KLF12: variants seen among roughly 807,000 people sequenced by gnomAD.
KLF12 encodes Krueppel-like factor 12.
In KLF12, 9 loss-of-function variants were observed where a neutral mutation model predicts 37.8. The observed-to-expected ratio is 0.24, with a 90% CI of 0.14 to 0.42. KLF12 has a LOEUF of 0.42. Ranked by LOEUF, KLF12 falls within the 10% of genes least tolerant of loss-of-function variation. The probability of loss-of-function intolerance (pLI) is 1.00; values close to 1 mark genes in which losing one functional copy is unlikely to be tolerated. For missense variants in KLF12, 411 were observed against 516.0 expected (o/e 0.80, Z 1.97); for synonymous variants, 208 against 202.1 (o/e 1.03, Z -0.25).
intron 5 of KLF12, among the ~76,000 whole-genome samples, chr13:73,774,981 G>A (rs374599567): frequency 2.1e-4 from 31 of 147,966 alleles, no homozygotes; most frequent in East Asian, 1.4e-3. Flanking sequence ...ACAATGGCAC[G>A]ATCTCAGCTC....
At chr13:74,303,061 C>G in the KLF12 span, among the ~76,000 whole-genome samples, 1 of 152,072 alleles carries the variant, frequency 6.6e-6, no homozygotes, top group African/African-American at 2.4e-5. Flanking sequence ...GATTGTTATA[C>G]CAGGACAAGA....
chr13:73,707,490 T>TA lies in KLF12; in HGVS notation c.1027+7877dup, dbSNP rs574741493. 5.1e-4 allele frequency among the ~76,000 whole-genome samples: 77 copies of TA among 152,292 alleles called. No homozygotes were observed. The South Asian group carries it at 5.6e-3, about 11-fold the overall frequency. ...ATTCATGAGCTATTTGATCAGGACT[T>TA]ACAAACAACTTACGGGGAGAGGATT... On this transcript the variant is annotated intron_variant, in intron 7 of 7. Coordinates refer to ENST00000377669, the MANE Select transcript of KLF12 (RefSeq NM_007249.5).
chr13:73,777,707 TC>T (rs1412837894), intron 5 of KLF12, among the ~76,000 whole-genome samples: 1 of 142,286 alleles, frequency 7.0e-6, no homozygotes, highest in Non-Finnish European at 1.5e-5. Context: ...AAACTCCATT[TC>T]AAAAAAAAAA....
chr13:74,145,086 A>G, the KLF12 span, among the ~76,000 whole-genome samples: 1 of 152,160 alleles, frequency 6.6e-6, no homozygotes, highest in Non-Finnish European at 1.5e-5. Flanking sequence ...CAATGAAAAA[A>G]ATAAAACAGT....
intron 7 of KLF12, among the ~76,000 whole-genome samples, chr13:73,711,916 A>G (rs539040045): frequency 2.2e-4 from 33 of 152,344 alleles, no homozygotes; most frequent in African/African-American, 7.9e-4. Flanking sequence ...GTGATTCATG[A>G]TAAGTCAAAA....
chr13:74,257,014 T>G, the KLF12 span: 4 of 152,134 alleles, frequency 2.6e-5, no homozygotes, highest in Non-Finnish European at 4.4e-5. Context: ...GAGTGAACAT[T>G]TTGCCTTATG....
the KLF12 span, among the ~76,000 whole-genome samples, chr13:74,203,636 A>T: frequency 1.3e-5 from 2 of 152,114 alleles, no homozygotes. Context: ...ATCTGTACTG[A>T]ACTTGGTGGA....
intron 1 of KLF12, among the ~76,000 whole-genome samples, chr13:74,048,549 A>G (rs1466980408): frequency 6.6e-6 from 1 of 152,178 alleles, no homozygotes; most frequent in African/African-American, 2.4e-5. Context: ...TTCACATTTT[A>G]GACCATTGAG....
chr13:74,196,046 C>CATATAGCCT, the KLF12 span, among the ~76,000 whole-genome samples: 1 of 152,214 alleles, frequency 6.6e-6, no homozygotes, highest in Non-Finnish European at 1.5e-5. Flanking sequence ...GATATGCATG[C>CATATAGCCT]ATATAGCCTT....
intron 1 of KLF12, among the ~76,000 whole-genome samples, chr13:74,108,835 A>G (rs1181809013): frequency 6.6e-6 from 1 of 152,190 alleles, no homozygotes; most frequent in African/African-American, 2.4e-5. Flanking sequence ...GGGAGGAGGA[A>G]GAAGAGGAAA....
chr13:74,166,020 G>A, the KLF12 span, among the ~76,000 whole-genome samples: 7 of 148,940 alleles, frequency 4.7e-5, no homozygotes, highest in African/African-American at 1.7e-4. Flanking sequence ...TGGAGAAAGT[G>A]TTTAATTGCT....
chr13:74,182,503 G>T, the KLF12 span, among the ~76,000 whole-genome samples: 8 of 152,206 alleles, frequency 5.3e-5, no homozygotes, highest in Non-Finnish European at 8.8e-5. Flanking sequence ...GAGGTCCCAG[G>T]ATTTACTTCC....
At chr13:74,264,024 GA>G in the KLF12 span, among the ~76,000 whole-genome samples, 3 of 152,162 alleles carry the variant, frequency 2.0e-5, no homozygotes. Context: ...GGAAGTCTGG[GA>G]TTGTACCTGG....
chr13:73,780,353 A>C (rs1880884310), intron 5 of KLF12, among the ~76,000 whole-genome samples: 1 of 152,032 alleles, frequency 6.6e-6, no homozygotes, highest in Non-Finnish European at 1.5e-5. Flanking sequence ...AGCAGCGTAC[A>C]CTGTACCCAG....
the KLF12 span, among the ~76,000 whole-genome samples, chr13:74,144,086 C>G: frequency 6.6e-6 from 1 of 152,154 alleles, no homozygotes; most frequent in African/African-American, 2.4e-5. Context: ...GATAATTTTT[C>G]CATCCTGTTG....
At chr13:73,742,740 T>G (rs1024677045) in intron 6 of KLF12, among the ~76,000 whole-genome samples, 4 of 152,206 alleles carry the variant, frequency 2.6e-5, no homozygotes, top group Non-Finnish European at 4.4e-5. Flanking sequence ...GACCTTCTCT[T>G]TAAGATAGAG....
chr13:74,279,519 AT>A, the KLF12 span, among the ~76,000 whole-genome samples: 126 of 146,674 alleles, frequency 8.6e-4, no homozygotes, highest in African/African-American at 1.3e-3. Flanking sequence ...AATTTTGTTC[AT>A]TTTTTTTTTT....
chr13:73,762,084 T>C (rs1879597299), intron 6 of KLF12, among the ~76,000 whole-genome samples: 1 of 152,210 alleles, frequency 6.6e-6, no homozygotes, highest in African/African-American at 2.4e-5. Context: ...ATTGGGGTGC[T>C]AATATACCCG....
chr13:73,832,673 G>A (rs1436589220), intron 4 of KLF12, among the ~76,000 whole-genome samples: 2 of 152,198 alleles, frequency 1.3e-5, no homozygotes, highest in African/African-American at 2.4e-5. Context: ...TTTTATGGAT[G>A]CAACAAATGG....
Sources: gnomAD v4.1 joint callset for allele counts (sites outside exome capture counted in the v4.1 genomes callset) on GRCh38, gnomAD v4.1.1 for gene constraint, MANE v1.5 for transcripts, NCBI Gene and HGNC (gene_info 2026-07-23, HGNC 2026-07-21) for gene names.